MSH6: variants seen among roughly 807,000 people sequenced by gnomAD.
MSH6 encodes the protein mutS homolog 6.
A neutral mutation model predicts 119.1 loss-of-function variants in MSH6; 85 were observed. That is an observed-to-expected ratio of 0.71 (90% CI 0.60 to 0.85). The LOEUF is 0.85. Ranked by LOEUF, MSH6 falls within the 40% of genes least tolerant of loss-of-function variation. The pLI is 0.00. For synonymous variants in MSH6, 830 were observed against 586.9 expected (o/e 1.41, Z -5.99); for missense variants, 2,163 against 1,655.3 (o/e 1.31, Z -5.32).
rs3136351 is a variant in MSH6, at chr2:47,803,493, G to C, written c.3246G>C (p.Pro1082=). 2.3e-5 allele frequency: 37 copies of C among 1,613,914 alleles called. No individual in the cohort carries two copies. Among genetic ancestry groups the C allele is most frequent in the Middle Eastern group, 1.6e-4 (1 of 6,084 alleles). Residue 1082 remains proline, a synonymous_variant, in exon 5 of 10, where the codon CCG becomes CCC. Coordinates refer to ENST00000234420, the MANE Select transcript of MSH6 (RefSeq NM_000179.3). ...GPMCRPVILL[P]EDTPPFLELK... ...TGTGTCGCCCAGTAATTCTGTTGCC[G>C]GAAGATACCCCCCCCTTCTTAGAGC...
rs764113705 is a variant in MSH6 at position 47,803,452 on chromosome 2, G to C, written c.3205G>C (p.Gly1069Arg). ...ACTGTGCCTGGCTAACTATAGTCGA[G>C]GGGGTGATGGTCCTATGTGTCGCCC... ...VLLCLANYSRGGDGPMCRPVI... is the reference protein window; with the variant it reads ...VLLCLANYSRRGDGPMCRPVI... The change falls in exon 5 of 10, where the codon GGG (glycine) becomes CGG (arginine). Residue 1069 changes from glycine to arginine, a missense_variant. Gly to Arg is a moderately radical substitution (Grantham distance 125, BLOSUM62 -2). Transcript: ENST00000234420. 6.2e-6 allele frequency: 10 copies of C among 1,614,046 alleles called. No homozygotes were observed. The East Asian group carries it at 2.0e-4, about 32-fold the overall frequency.
chr2:47,803,222 C>CTCTA (rs972097096), intron 4 of MSH6, among the ~76,000 whole-genome samples, 198 bp from the exon 5 acceptor site: 1 of 152,106 alleles, frequency 6.6e-6, no homozygotes. Flanking sequence ...CTGGCCTCTG[C>CTCTA]TCTATCTTTT....
In MSH6 at chr2:47,801,127, G is replaced by A. The variant is rs1173733811; in HGVS notation, c.3144G>A (p.Gln1048=). The change falls in exon 4 of 10, where the codon CAG becomes CAA. Residue 1048 remains glutamine, a synonymous_variant. Transcript: ENST00000234420. ...YNFDKNYKDW[Q]SAVECIAVLD... is the part of the protein sequence containing the mutation. Reference sequence around the variant, plus strand: ...TTGATAAAAATTACAAGGACTGGCAGTCTGCTGTAGAGTGTATCGCAGTGT... The same window carrying A: ...TTGATAAAAATTACAAGGACTGGCAATCTGCTGTAGAGTGTATCGCAGTGT... 6.2e-7 allele frequency: 1 copy of A among 1,612,008 alleles called. No homozygotes were observed. The highest frequency in any genetic ancestry group is 1.3e-5 in the African/African-American group (1 of 75,026).
chr2:47,809,512 G>A (rs1027510087), downstream of MSH6: 4 of 940,726 alleles, frequency 4.3e-6, no homozygotes, highest in Non-Finnish European at 6.5e-6. Context: ...CTTGGAGAGT[G>A]ACATAAGGAA....
intron 4 of MSH6, among the ~76,000 whole-genome samples, chr2:47,801,726 T>C (rs1179008953): frequency 6.6e-6 from 1 of 152,166 alleles, no homozygotes; most frequent in Non-Finnish European, 1.5e-5. Context: ...AGTGTCTTGC[T>C]CTGTTACCCA....
intron 1 of MSH6, chr2:47,785,088 C>G (rs1668268542): frequency 6.6e-6 from 1 of 152,000 alleles, no homozygotes; most frequent in African/African-American, 2.4e-5. Flanking sequence ...TACCAAAGTG[C>G]TGGGATTACA....
In MSH6 at chr2:47,799,070, A is replaced by G. The variant is rs764965018; in HGVS notation, c.1087A>G (p.Thr363Ala). The change falls in exon 4 of 10, where the codon ACT becomes GCT. Residue 363 changes from threonine to alanine, a missense_variant. Transcript: ENST00000234420. The stretch of plus-strand genomic sequence containing the variant: ...AGGTGGTGATGACAGTAGTCGCCCT[A>G]CTGTTTGGTATCATGAAACTTTAGA... ...SGGGDDSSRP[T>A]VWYHETLEWL... The G allele has an allele frequency of 1.2e-6, 2 of 1,614,178 alleles. No homozygotes were observed. The highest frequency in any genetic ancestry group is 1.7e-6 in the Non-Finnish European group (2 of 1,180,034).
intron 2 of MSH6, among the ~76,000 whole-genome samples, chr2:47,791,818 T>C (rs1668746324): frequency 6.6e-6 from 1 of 151,600 alleles, no homozygotes; most frequent in African/African-American, 2.4e-5. Flanking sequence ...CTTGGGATTA[T>C]AGGCACACGC....
chr2:47,806,184 T>A lies in MSH6; in HGVS notation c.3647-20T>A, dbSNP rs377015327. 2 of 1,612,606 alleles carry A rather than the reference T, an allele frequency of 1.2e-6. No homozygotes were observed. Among genetic ancestry groups the A allele is most frequent in the Non-Finnish European group, 1.7e-6 (2 of 1,178,666 alleles). On this transcript the variant is annotated intron_variant, in intron 7 of 9. Coordinates refer to ENST00000234420, the MANE Select transcript of MSH6 (RefSeq NM_000179.3). Reference sequence around the variant, plus strand: ...TTAATTCCTTTGAGTTACTTCCTTATGCATATTTTACTTTAACAGGAAGAG... The same window carrying A: ...TTAATTCCTTTGAGTTACTTCCTTAAGCATATTTTACTTTAACAGGAAGAG...
rs1553412495 is a variant in MSH6 at position 47,799,083 on chromosome 2, A to G, written c.1100A>G (p.His367Arg). ...AGTAGTCGCCCTACTGTTTGGTATC[A>G]TGAAACTTTAGAATGGCTTAAGGAG... ...DDSSRPTVWYHETLEWLKEEK... is the reference protein window; with the variant it reads ...DDSSRPTVWYRETLEWLKEEK... Residue 367 changes from histidine (H) to arginine (R), a missense_variant, in exon 4 of 10, where the codon CAT becomes CGT. By Grantham distance (29) the His-to-Arg change is conservative (BLOSUM62 0). Transcript: ENST00000234420. The G allele has an allele frequency of 1.2e-6, 2 of 1,614,178 alleles. No individual in the cohort carries two copies. The highest frequency in any genetic ancestry group is 1.7e-6 in the Non-Finnish European group (2 of 1,180,036).
At chr2:47,788,946 T>TTTTTTTTTTTTTTTG (rs1553409740) in intron 1 of MSH6, among the ~76,000 whole-genome samples, 3 of 115,826 alleles carry the variant, frequency 2.6e-5, no homozygotes, top group Non-Finnish European at 5.2e-5. Flanking sequence ...TTTTTTTTTT[T>TTTTTTTTTTTTTTTG]TGTGAGACGG....
chr2:47,810,010 T>C, downstream of MSH6: 1 of 490,094 alleles, frequency 2.0e-6, no homozygotes, highest in Middle Eastern at 5.3e-4. Context: ...TTTAAACTGG[T>C]AAATTCATCT....
rs1257646433 is a variant in MSH6 at position 47,790,941 on chromosome 2, C to G, written c.275C>G (p.Pro92Arg). ...TTTGGCAACAGTTGTGACTTCTCAC[C>G]AGGAGATTTGGTTTGGGCCAAGATG... is the stretch of plus-strand genomic sequence containing the variant. ...PAAPTSCDFS[P>R]GDLVWAKMEG... Residue 92 changes from proline (P) to arginine (R), a missense_variant, in exon 2 of 10, where the codon CCA becomes CGA. By Grantham distance (103) the Pro-to-Arg change is moderately radical. Coordinates refer to ENST00000234420, the MANE Select transcript of MSH6 (RefSeq NM_000179.3). The G allele has an allele frequency of 1.2e-6, 2 of 1,614,090 alleles. No individual in the cohort carries two copies. Among genetic ancestry groups the G allele is most frequent in the Non-Finnish European group, 1.7e-6 (2 of 1,180,014 alleles).
At chr2:47,786,459 C>T (rs1322507825) in intron 1 of MSH6, among the ~76,000 whole-genome samples, 1 of 151,926 alleles carries the variant, frequency 6.6e-6, no homozygotes, top group Non-Finnish European at 1.5e-5. Flanking sequence ...CTCATCCTCT[C>T]AAGTACCTGG....
At position 47,801,145 on chromosome 2, in the gene MSH6, C is replaced by G. The variant is rs149605979; in HGVS notation, c.3162C>G (p.Ile1054Met). ...YKDWQSAVEC[I>M]AVLDVLLCLA... ...ACTGGCAGTCTGCTGTAGAGTGTAT[C>G]GCAGTGTTGGGTAAGACTTTGAACA... is the stretch of plus-strand genomic sequence containing the variant. The change falls in exon 4 of 10, where the codon ATC (isoleucine) becomes ATG (methionine). Residue 1054 changes from isoleucine to methionine, a missense_variant. Physicochemically the swap from Ile to Met is conservative, Grantham distance 10 (BLOSUM62 1). Transcript: ENST00000234420. The G allele has an allele frequency of 5.0e-6, 8 of 1,610,314 alleles. No individual in the cohort carries two copies. The highest frequency in any genetic ancestry group is 4.0e-5 in the African/African-American group (3 of 74,884).
chr2:47,810,008 G>A, downstream of MSH6: 2 of 483,862 alleles, frequency 4.1e-6, no homozygotes, highest in South Asian at 3.3e-5. Flanking sequence ...GATTTAAACT[G>A]GTAAATTCAT....
At chr2:47,809,549 T>C, downstream of MSH6, 1 of 1,320,600 alleles carries the variant, frequency 7.6e-7, no homozygotes, top group Non-Finnish European at 1.1e-6. Flanking sequence ...CTTCTGATTA[T>C]CTTTCATGGC....
chr2:47,805,175 C>A lies in MSH6; in HGVS notation c.3556+148C>A, dbSNP rs766349342. On this transcript the variant is annotated intron_variant, in intron 6 of 9. Coordinates refer to ENST00000234420, the MANE Select transcript of MSH6 (RefSeq NM_000179.3). ...CATCACTTTTTAAGAACTGCATAGT[C>A]TCTCTCTCTTTTTTTTTTTTTTGAG... 2.9e-4 allele frequency: 178 copies of A among 623,872 alleles called. 1 individual carries two copies. Among genetic ancestry groups the A allele is most frequent in the Admixed American group, 9.1e-4 (32 of 35,352 alleles). The allele number at this position is 623,872 out of a possible 1,614,324, so 38.6% of individuals were successfully genotyped here.
chr2:47,783,739 G>C, intron 1 of MSH6: 1 of 474,722 alleles, frequency 2.1e-6, no homozygotes, highest in Non-Finnish European at 3.4e-6. Flanking sequence ...GAGACGCGGA[G>C]AGTTCGGGCC....
Sources: gnomAD v4.1 joint callset for allele counts (sites outside exome capture counted in the v4.1 genomes callset) on GRCh38, gnomAD v4.1.1 for gene constraint, MANE v1.5 for transcripts, NCBI Gene and HGNC (gene_info 2026-07-23, HGNC 2026-07-21) for gene names.